Variants in PARD3 observed in about 807,000 individuals in gnomAD.
PARD3 encodes par-3 family cell polarity regulator.
A neutral mutation model predicts 155.4 loss-of-function variants in PARD3; 75 were observed. That is an observed-to-expected ratio of 0.48 (90% CI 0.40 to 0.58). The LOEUF is 0.58. Ranked by LOEUF, PARD3 falls within the 20% of genes least tolerant of loss-of-function variation. PARD3 has a pLI of 0.00. For synonymous variants in PARD3, 576 were observed against 610.5 expected (o/e 0.94, Z 0.83); for missense variants, 1,642 against 1,721.7 (o/e 0.95, Z 0.82).
chr10:34,252,120 G>C (rs1373921449), intron 22 of PARD3, among the ~76,000 whole-genome samples: 2 of 152,174 alleles, frequency 1.3e-5, no homozygotes, highest in African/African-American at 2.4e-5. Flanking sequence ...GTGCTGGGGA[G>C]GGGGAGGGGA....
At chr10:34,189,100 G>C (rs894561688) in intron 22 of PARD3, among the ~76,000 whole-genome samples, 1 of 152,216 alleles carries the variant, frequency 6.6e-6, no homozygotes, top group Non-Finnish European at 1.5e-5. Context: ...GGGAGGCTGA[G>C]GTGGGAGGGT....
chr10:34,653,834 T>C (rs946526660), intron 2 of PARD3, among the ~76,000 whole-genome samples: 10 of 151,760 alleles, frequency 6.6e-5, no homozygotes, highest in Non-Finnish European at 1.2e-4. Context: ...ATGGGATTTC[T>C]GGCCTTGATC....
At chr10:34,231,266 C>CAAAAAAAAAAA (rs57175956) in intron 22 of PARD3, among the ~76,000 whole-genome samples, 1 of 81,840 alleles carries the variant, frequency 1.2e-5, no homozygotes, top group Non-Finnish European at 2.2e-5. Flanking sequence ...TAATCTTAGG[C>CAAAAAAAAAAA]AAAAAAAAAA....
chr10:34,806,256 G>C (rs921739081), intron 1 of PARD3, among the ~76,000 whole-genome samples: 2 of 145,072 alleles, frequency 1.4e-5, no homozygotes, highest in Non-Finnish European at 3.0e-5. Flanking sequence ...GTGCAGTGTC[G>C]CTATCTTGGC....
chr10:34,111,448 GC>G lies in PARD3; in HGVS notation c.3782del (p.Gly1261AlafsTer35), dbSNP rs1564400150. 1 of 1,614,176 alleles carries G rather than the reference GC, an allele frequency of 6.2e-7. No homozygotes were observed. Among genetic ancestry groups the G allele is most frequent in the Non-Finnish European group, 8.5e-7 (1 of 1,180,024 alleles). On this transcript the variant is annotated frameshift_variant, in exon 25 of 25. Transcript: ENST00000374788. LOFTEE classifies it high-confidence loss of function. The stretch of plus-strand genomic sequence containing the variant: ...GTCCTCCCAGGTAGCCGTTCCTGGA[GC>G]CTTGGTAGCTGGAGTACCTGGGGTT... ...KENPRYSSYQGSRNGYLGGHG... is the reference protein window; with the variant it reads ...KENPRYSSYQXSRNGYLGGHG...
chr10:34,525,044 T>G (rs995499148), intron 2 of PARD3, among the ~76,000 whole-genome samples: 1 of 152,262 alleles, frequency 6.6e-6, no homozygotes, highest in African/African-American at 2.4e-5. Flanking sequence ...AATCATTCTC[T>G]GAGCCTTACT....
At chr10:34,782,755 C>G (rs1252149575) in intron 1 of PARD3, among the ~76,000 whole-genome samples, 1 of 148,720 alleles carries the variant, frequency 6.7e-6, no homozygotes, top group Admixed American at 6.7e-5. Context: ...GAGACTGAGT[C>G]TTGCTCTGTC....
chr10:34,429,748 G>C (rs1287762848), intron 5 of PARD3, among the ~76,000 whole-genome samples: 2 of 152,100 alleles, frequency 1.3e-5, no homozygotes, highest in Non-Finnish European at 2.9e-5. Flanking sequence ...AACATGCCCA[G>C]CTAATTTTTT....
chr10:34,815,089 T>G lies in PARD3; in HGVS notation c.-94A>C. The G allele has an allele frequency of 3.6e-6, 3 of 840,456 alleles. No individual in the cohort carries two copies. The highest frequency in any genetic ancestry group is 4.5e-6 in the Non-Finnish European group (3 of 673,700). 52.1% of individuals were successfully genotyped at this position (840,456 alleles called of 1,614,324 possible). ...AGGACGCTGGGCGCGGAGGAGCCGC[T>G]GGGGACTCGGGCGCGCGGGCGGCTA... On this transcript the variant is annotated 5_prime_UTR_variant, in exon 1 of 25. Transcript: ENST00000374788.
At chr10:34,748,569 C>G (rs1835596640) in intron 1 of PARD3, among the ~76,000 whole-genome samples, 1 of 152,116 alleles carries the variant, frequency 6.6e-6, no homozygotes, top group African/African-American at 2.4e-5. Context: ...TGTAAGCACT[C>G]CACACCTCAG....
chr10:34,515,217 A>C (rs2081638837), intron 3 of PARD3, among the ~76,000 whole-genome samples: 1 of 152,230 alleles, frequency 6.6e-6, no homozygotes, highest in African/African-American at 2.4e-5. Flanking sequence ...TGTATGGTAC[A>C]TGCCTCACCT....
chr10:34,752,828 T>C (rs149779449), intron 1 of PARD3, among the ~76,000 whole-genome samples: 1 of 152,302 alleles, frequency 6.6e-6, no homozygotes, highest in African/African-American at 2.4e-5. Context: ...GGGGTTATTA[T>C]CTCCTTATGC....
intron 2 of PARD3, among the ~76,000 whole-genome samples, chr10:34,689,508 A>C (rs1445454118): frequency 1.3e-5 from 2 of 152,234 alleles, no homozygotes; most frequent in African/African-American, 4.8e-5. Context: ...CGGCTTTAAA[A>C]GCTACTTCAG....
intron 2 of PARD3, among the ~76,000 whole-genome samples, chr10:34,651,651 C>T (rs1268856023): frequency 1.3e-5 from 2 of 152,128 alleles, no homozygotes; most frequent in African/African-American, 2.4e-5. Flanking sequence ...TTGTAAGCGA[C>T]GTTAATACAG....
At chr10:34,697,110 A>AG (rs1295218901) in intron 1 of PARD3, among the ~76,000 whole-genome samples, 3 of 151,806 alleles carry the variant, frequency 2.0e-5, no homozygotes, top group Non-Finnish European at 2.9e-5. Context: ...GAAGGAAAAA[A>AG]AAGGACATCA....
intron 2 of PARD3, among the ~76,000 whole-genome samples, chr10:34,554,023 G>A (rs766430991): frequency 1.3e-5 from 2 of 152,216 alleles, no homozygotes; most frequent in Non-Finnish European, 2.9e-5. Flanking sequence ...TTAAGTTAAT[G>A]TTGATTCCAA....
At chr10:34,625,639 G>A (rs1354607079) in intron 2 of PARD3, among the ~76,000 whole-genome samples, 3 of 152,212 alleles carry the variant, frequency 2.0e-5, no homozygotes, top group East Asian at 1.9e-4. Context: ...AAGGCCAGGC[G>A]CGGTGGCTCA....
At chr10:34,298,646 C>T (rs921760470) in intron 20 of PARD3, among the ~76,000 whole-genome samples, 3 of 152,094 alleles carry the variant, frequency 2.0e-5, no homozygotes, top group Non-Finnish European at 2.9e-5. Context: ...AGACGAAAGG[C>T]GTTCTAGAAA....
intron 2 of PARD3, among the ~76,000 whole-genome samples, chr10:34,605,433 T>A (rs561911753): frequency 6.8e-6 from 1 of 147,002 alleles, no homozygotes; most frequent in South Asian, 2.1e-4. Flanking sequence ...GACCTCATGA[T>A]CCGCCCACCT....
Sources: gnomAD v4.1 joint callset for allele counts (sites outside exome capture counted in the v4.1 genomes callset) on GRCh38, gnomAD v4.1.1 for gene constraint, MANE v1.5 for transcripts, NCBI Gene and HGNC (gene_info 2026-07-23, HGNC 2026-07-21) for gene names.